BSN: variants seen among roughly 807,000 people sequenced by gnomAD.
The protein encoded by BSN is bassoon presynaptic cytomatrix protein, also known as protein bassoon.
A neutral mutation model predicts 264.8 loss-of-function variants in BSN; 57 were observed. The observed-to-expected ratio is 0.22, with a 90% CI of 0.17 to 0.27. BSN has a LOEUF of 0.27. Ranked by LOEUF, BSN falls within the 10% of genes least tolerant of loss-of-function variation. BSN has a pLI of 1.00. For missense variants in BSN, 4,615 were observed against 5,232.5 expected, an observed-to-expected ratio of 0.88 and a Z score of 3.64; for synonymous variants, 2,059 against 2,137.3, an observed-to-expected ratio of 0.96 and a Z score of 1.01.
chr3:49,626,177 C>T (rs1215271159), intron 2 of BSN, among the ~76,000 whole-genome samples: 3 of 152,142 alleles, frequency 2.0e-5, no homozygotes, highest in East Asian at 1.9e-4. Context: ...TTGGGGCCAT[C>T]GCTTTAAAAT....
chr3:49,666,683 C>T (rs982262467), intron 11 of BSN, among the ~76,000 whole-genome samples: 7 of 151,214 alleles, frequency 4.6e-5, no homozygotes, highest in Admixed American at 2.0e-4. Flanking sequence ...ACAGCACTGA[C>T]GGATGATCGG....
chr3:49,664,480 G>C lies in BSN; in HGVS notation c.11666G>C (p.Gly3889Ala). Residue 3889 changes from glycine to alanine, a missense_variant, in exon 9 of 12, where the codon GGT becomes GCT. By Grantham distance (60) the Gly-to-Ala change is moderately conservative (BLOSUM62 0). Around this residue, in one of 3 missense-constraint regions of BSN, gnomAD observed 3,415 missense variants for 3,866.4 expected, o/e 0.88. Coordinates refer to ENST00000296452, the MANE Select transcript of BSN (RefSeq NM_003458.4). Reference protein sequence around the residue: ...GTPGAPAGQPGADGESVFSKI... With the variant: ...GTPGAPAGQPAADGESVFSKI... ...CCAGGGGCTCCCGCCGGCCAGCCAG[G>C]TGCCGATGGGGAGAGCGTGTTCTCC... 1 of 1,613,498 alleles carries C rather than the reference G, an allele frequency of 6.2e-7. No homozygotes were observed. Among genetic ancestry groups the C allele is most frequent in the Non-Finnish European group, 8.5e-7 (1 of 1,179,928 alleles).
intron 2 of BSN, among the ~76,000 whole-genome samples, chr3:49,627,802 CT>C (rs1360243240): frequency 2.6e-5 from 4 of 152,212 alleles, no homozygotes; most frequent in Admixed American, 2.0e-4. Flanking sequence ...CACTCACTTT[CT>C]TTTTCAGTTC....
intron 1 of BSN, among the ~76,000 whole-genome samples, chr3:49,605,643 G>T (rs184367502): frequency 0.014 from 325 of 23,170 alleles, 23 homozygotes; most frequent in African/African-American, 0.057. Flanking sequence ...TTACATATAT[G>T]TAATATATAT....
At position 49,663,402 on chromosome 3, in the gene BSN, A is replaced by G. The variant is rs542166503; in HGVS notation, c.11244A>G (p.Gln3748=). 6.2e-7 allele frequency: 1 copy of G among 1,612,922 alleles called. No individual in the cohort carries two copies. The highest frequency in any genetic ancestry group is 1.3e-5 in the African/African-American group (1 of 75,078). ...AACCCCAGGCGCAGCCGCAGCTGCA[A>G]GGTCGGCAGGCAGCTCCAGGACCAC... ...KAEPQAQPQL[Q]GRQAAPGPQQ... The change falls in exon 7 of 12, where the codon CAA becomes CAG. Residue 3748 remains glutamine, a synonymous_variant. Transcript: ENST00000296452.
In BSN at chr3:49,652,022, C is replaced by G; in HGVS notation, c.2466C>G (p.Gly822=). ...ATGTGGAGGACAGCAGTGAGGGTGG[C>G]CTGTCCCCTCTTCCACCCCAGCCCC... The part of the protein sequence containing the change: ...HDYVEDSSEG[G]LSPLPPQPPA... The change falls in exon 5 of 12, where the codon GGC becomes GGG. Residue 822 remains glycine, a synonymous_variant. Coordinates refer to ENST00000296452, the MANE Select transcript of BSN (RefSeq NM_003458.4). The G allele has an allele frequency of 6.2e-7, 1 of 1,611,836 alleles. No homozygotes were observed. Among genetic ancestry groups the G allele is most frequent in the Non-Finnish European group, 8.5e-7 (1 of 1,178,486 alleles).
intron 1 of BSN, among the ~76,000 whole-genome samples, chr3:49,558,838 A>G (rs2051692783): frequency 6.6e-6 from 1 of 152,218 alleles, no homozygotes; most frequent in African/African-American, 2.4e-5. Flanking sequence ...AGTTGCTCAC[A>G]GCATCATTAA....
rs1218823361 is a variant in BSN at position 49,658,073 on chromosome 3, G to A, written c.8517G>A (p.Leu2839=). 2 of 1,613,360 alleles carry A rather than the reference G, an allele frequency of 1.2e-6. No individual in the cohort carries two copies. Among genetic ancestry groups the A allele is most frequent in the Non-Finnish European group, 8.5e-7 (1 of 1,179,968 alleles). The change falls in exon 5 of 12, where the codon CTG becomes CTA. Residue 2839 remains leucine, a synonymous_variant. Transcript: ENST00000296452. ...ACAGCGCTCTCCGCCAGCAGACGCT[G>A]CCTCGCCCCATGAAGACCCTGCAGC... ...TADSALRQQT[L]PRPMKTLQRS...
intron 2 of BSN, among the ~76,000 whole-genome samples, chr3:49,626,976 A>G (rs2052346163): frequency 6.6e-6 from 1 of 152,234 alleles, no homozygotes; most frequent in Non-Finnish European, 1.5e-5. Context: ...CTGGAAAAAC[A>G]GCAGAGTAGG....
chr3:49,635,766 G>A (rs2052415945), intron 2 of BSN, among the ~76,000 whole-genome samples: 1 of 152,112 alleles, frequency 6.6e-6, no homozygotes, highest in African/African-American at 2.4e-5. Flanking sequence ...CTTGAGCCCA[G>A]GGATTCAGGA....
Position 49,656,947 on chromosome 3 carries a change from AGCAGCTAGAGG to A in BSN, c.7392_7402del (p.Gln2465AlafsTer14). The A allele has an allele frequency of 4.4e-6, 7 of 1,603,226 alleles. No homozygotes were observed. Among genetic ancestry groups the A allele is most frequent in the Non-Finnish European group, 6.0e-6 (7 of 1,174,032 alleles). On this transcript the variant is annotated frameshift_variant, in exon 5 of 12. Coordinates refer to ENST00000296452, the MANE Select transcript of BSN (RefSeq NM_003458.4). LOFTEE classifies it high-confidence loss of function. ...CAGCAGCTGCAGCAGCAGCTGCAGC[AGCAGCTAGAGG>A]AGCAGAAGCAGCGGCAGAAGGCTCC...
At position 49,652,881 on chromosome 3, in the gene BSN, C is replaced by T; in HGVS notation, c.3325C>T (p.Leu1109=). The change falls in exon 5 of 12, where the codon CTG becomes TTG. Residue 1109 remains leucine (L), a synonymous_variant. Transcript: ENST00000296452. ...PIEDASPTEE[L]RQAAEMEELH... ...CGAGGATGCCTCCCCGACGGAGGAG[C>T]TGAGGCAGGCGGCCGAGATGGAGGA... 6.2e-7 allele frequency: 1 copy of T among 1,609,488 alleles called. No homozygotes were observed. The highest frequency in any genetic ancestry group is 8.5e-7 in the Non-Finnish European group (1 of 1,177,034).
At position 49,622,996 on chromosome 3, in the gene BSN, T is replaced by A. The variant is rs182149581; in HGVS notation, c.225-1979T>A. On this transcript the variant is annotated intron_variant, in intron 1 of 11. Coordinates refer to ENST00000296452, the MANE Select transcript of BSN (RefSeq NM_003458.4). Reference sequence around the variant, plus strand: ...TTAAACACTATTTAATAGTGTTTCTTTTTTTTAGGAGAGTCTTTATTAGAC... The same window carrying A: ...TTAAACACTATTTAATAGTGTTTCTATTTTTTAGGAGAGTCTTTATTAGAC... Among the ~76,000 whole-genome samples the A allele has an allele frequency of 2.2e-3, 328 of 152,256 alleles. 3 individuals are homozygous for A. The highest frequency in any genetic ancestry group is 7.6e-3 in the African/African-American group (316 of 41,542).
chr3:49,658,455 C>G (rs1296025224), intron 5 of BSN, among the ~76,000 whole-genome samples: 1 of 151,666 alleles, frequency 6.6e-6, no homozygotes, highest in African/African-American at 2.4e-5. Context: ...GCTTCAGCCT[C>G]CTCCCAGCAC....
Position 49,595,229 on chromosome 3 carries a change from G to C in BSN, c.225-29746G>C, listed in dbSNP as rs1333521556. Among the ~76,000 whole-genome samples the C allele has an allele frequency of 4.5e-5, 5 of 111,328 alleles. No homozygotes were observed. In the East Asian group the frequency reaches 1.3e-3, roughly 29 times the overall value. 73.0% of individuals were successfully genotyped at this position (111,328 alleles called of 152,430 possible). On this transcript the variant is annotated intron_variant, in intron 1 of 11. Transcript: ENST00000296452. ...TTTTTTGAGATGGAGTTTTGCTCTTGTTGCCCAGGCTGGAGTGCAATGGCA... is the reference window on the plus strand; with the variant it reads ...TTTTTTGAGATGGAGTTTTGCTCTTCTTGCCCAGGCTGGAGTGCAATGGCA...
At chr3:49,658,794 G>A (rs2052631901) in intron 5 of BSN, among the ~76,000 whole-genome samples, 1 of 152,192 alleles carries the variant, frequency 6.6e-6, no homozygotes, top group African/African-American at 2.4e-5. Flanking sequence ...CCCCTAGATA[G>A]GGGATTCAGA....
At chr3:49,606,235 ATATATG>A (rs2052145173) in intron 1 of BSN, among the ~76,000 whole-genome samples, 1 of 59,698 alleles carries the variant, frequency 1.7e-5, no homozygotes, top group Non-Finnish European at 2.9e-5. Context: ...TACATATATT[ATATATG>A]TATATATTAT....
intron 11 of BSN, among the ~76,000 whole-genome samples, chr3:49,666,218 C>T (rs1187737764): frequency 6.6e-6 from 1 of 152,216 alleles, no homozygotes; most frequent in East Asian, 1.9e-4. Flanking sequence ...CAGGTCACTT[C>T]AAGGGAGCCC....
At chr3:49,628,122 C>G (rs1254405811) in intron 2 of BSN, among the ~76,000 whole-genome samples, 1 of 152,214 alleles carries the variant, frequency 6.6e-6, no homozygotes, top group Admixed American at 6.5e-5. Flanking sequence ...CAGGGCATCT[C>G]CAAGATGACT....
Sources: gnomAD v4.1 joint callset for allele counts (sites outside exome capture counted in the v4.1 genomes callset) on GRCh38, gnomAD v4.1.1 for gene constraint, gnomAD v4.1.1 regional missense constraint, MANE v1.5 for transcripts, NCBI Gene and HGNC (gene_info 2026-07-23, HGNC 2026-07-21) for gene names.